Variants in MAD1L1 observed in about 807,000 individuals in gnomAD.
The protein encoded by MAD1L1 is mitotic spindle assembly checkpoint protein MAD1.
MAD1L1 carries 95 observed loss-of-function variants against 96.9 expected under a neutral mutation model. That is an observed-to-expected ratio of 0.98 (90% CI 0.83 to 1.16). The LOEUF is 1.16. MAD1L1 is among the 50% of genes most tolerant of loss of function. The probability of loss-of-function intolerance (pLI) is 0.00; values close to 1 mark genes in which losing one functional copy is unlikely to be tolerated. For missense variants in MAD1L1, 1,007 were observed against 954.4 expected, an observed-to-expected ratio of 1.06 and a Z score of -0.73; for synonymous variants, 473 against 396.6, an observed-to-expected ratio of 1.19 and a Z score of -2.29.
At chr7:2,150,707 T>TG (rs1323398282) in intron 10 of MAD1L1, among the ~76,000 whole-genome samples, 1 of 152,224 alleles carries the variant, frequency 6.6e-6, no homozygotes, top group Non-Finnish European at 1.5e-5. Flanking sequence ...GCAGATGTCC[T>TG]GCGGCCTGGC....
Position 1,833,510 on chromosome 7 carries a change from C to T in MAD1L1, c.1999-17282G>A, listed in dbSNP as rs1047118737. ...AAAATTGGCAAGGATATAAAAGCTT[C>T]GCAAACATTATTAAAAATGTCAGCT... is the stretch of plus-strand genomic sequence containing the variant. On this transcript the variant is annotated intron_variant, in intron 18 of 18. Transcript: ENST00000265854. 1.1e-4 allele frequency among the ~76,000 whole-genome samples: 16 copies of T among 152,316 alleles called. No individual in the cohort carries two copies. In the East Asian group the frequency reaches 1.7e-3, roughly 17 times the overall value.
intron 10 of MAD1L1, among the ~76,000 whole-genome samples, chr7:2,165,334 TAGA>T (rs2128591246): frequency 6.6e-6 from 1 of 152,366 alleles, no homozygotes; most frequent in African/African-American, 2.4e-5. Flanking sequence ...TCTGGACTGA[TAGA>T]AGTGTGTTAT....
At chr7:1,856,119 C>T (rs12667600) in intron 18 of MAD1L1, among the ~76,000 whole-genome samples, 2 of 152,078 alleles carry the variant, frequency 1.3e-5, no homozygotes, top group Admixed American at 1.3e-4. Context: ...AGAATTTCAA[C>T]GTATGGATTT....
intron 12 of MAD1L1, among the ~76,000 whole-genome samples, chr7:2,055,370 C>T (rs1365975221): frequency 2.0e-5 from 3 of 152,236 alleles, no homozygotes; most frequent in Middle Eastern, 3.4e-3. Context: ...TCGTAGGGCA[C>T]GATCCAGGCC....
At chr7:2,080,707 T>C (rs2128538327) in intron 11 of MAD1L1, among the ~76,000 whole-genome samples, 1 of 152,330 alleles carries the variant, frequency 6.6e-6, no homozygotes. Context: ...TGCTGTCGGC[T>C]GCACAGGGCC....
chr7:1,859,376 C>G (rs554589754), intron 18 of MAD1L1, among the ~76,000 whole-genome samples: 52 of 152,380 alleles, frequency 3.4e-4, no homozygotes, highest in Admixed American at 6.5e-4. Flanking sequence ...TTGATTCCAA[C>G]TCATTCTGCA....
rs77275830 is a variant in MAD1L1, at chr7:2,086,799, C to T, written c.1074-17461G>A. Among the ~76,000 whole-genome samples the T allele has an allele frequency of 2.3e-4, 35 of 152,324 alleles. 1 individual carries two copies. The East Asian group carries it at 6.6e-3, about 29-fold the overall frequency. ...CGAACTCTTGACCTCAGTTGATCCACCTGCCTCGGCCTCCCAAATTGCTGG... is the reference window on the plus strand; with the variant it reads ...CGAACTCTTGACCTCAGTTGATCCATCTGCCTCGGCCTCCCAAATTGCTGG... On this transcript the variant is annotated intron_variant, in intron 11 of 18. Transcript: ENST00000265854.
intron 14 of MAD1L1, among the ~76,000 whole-genome samples, chr7:1,988,439 C>T (rs10281045): frequency 0.044 from 6,714 of 152,270 alleles, 504 homozygotes; most frequent in African/African-American, 0.15. Flanking sequence ...CAGATCAGGG[C>T]CCCACCAATG....
At chr7:2,165,291 G>A (rs962234979) in intron 10 of MAD1L1, among the ~76,000 whole-genome samples, 26 of 152,236 alleles carry the variant, frequency 1.7e-4, no homozygotes, top group Admixed American at 3.3e-4. Flanking sequence ...AGCTGCCGGG[G>A]ATGAAGGGCT....
chr7:2,152,515 C>A (rs1420760256), intron 10 of MAD1L1, among the ~76,000 whole-genome samples: 2 of 152,226 alleles, frequency 1.3e-5, no homozygotes, highest in Admixed American at 1.3e-4. Flanking sequence ...CTCAAAAGCA[C>A]AAGCACAGTG....
chr7:1,864,941 A>G (rs1784710132), intron 18 of MAD1L1, among the ~76,000 whole-genome samples: 1 of 152,152 alleles, frequency 6.6e-6, no homozygotes, highest in East Asian at 1.9e-4. Context: ...TGTGTCGAAT[A>G]AGCCTCCTCA....
intron 18 of MAD1L1, among the ~76,000 whole-genome samples, chr7:1,834,014 AT>A (rs1444150574): frequency 3.3e-5 from 5 of 152,240 alleles, no homozygotes; most frequent in Non-Finnish European, 7.3e-5. Flanking sequence ...TAAATGAGAA[AT>A]TAGTAACAGA....
At chr7:2,164,316 C>G (rs1181193088) in intron 10 of MAD1L1, among the ~76,000 whole-genome samples, 1 of 152,126 alleles carries the variant, frequency 6.6e-6, no homozygotes, top group Non-Finnish European at 1.5e-5. Flanking sequence ...GCAGAAAGCC[C>G]GCACTCTGGA....
intron 12 of MAD1L1, among the ~76,000 whole-genome samples, chr7:2,053,273 G>A (rs557151924): frequency 2.8e-4 from 42 of 152,298 alleles, no homozygotes; most frequent in African/African-American, 9.6e-4. Context: ...CCATGCAGAC[G>A]GTGAGGCTGG....
intron 11 of MAD1L1, among the ~76,000 whole-genome samples, chr7:2,120,534 AC>A (rs1787925692): frequency 6.6e-6 from 1 of 152,166 alleles, no homozygotes; most frequent in Admixed American, 6.5e-5. Context: ...CGGAAGCCCC[AC>A]ACCCAGGGCG....
At chr7:2,122,495 G>C (rs549650504) in intron 11 of MAD1L1, among the ~76,000 whole-genome samples, 3 of 152,084 alleles carry the variant, frequency 2.0e-5, no homozygotes, top group African/African-American at 4.8e-5. Context: ...CCAGCTACTC[G>C]GGAGGCTGAG....
intron 15 of MAD1L1, among the ~76,000 whole-genome samples, chr7:1,973,968 C>T (rs544712495): frequency 2.2e-4 from 34 of 152,362 alleles, no homozygotes; most frequent in South Asian, 1.4e-3. Context: ...CGAGGGGCCA[C>T]GCTGATGCTG....
chr7:2,061,525 G>A (rs1046957315), intron 12 of MAD1L1, among the ~76,000 whole-genome samples: 1 of 152,202 alleles, frequency 6.6e-6, no homozygotes, highest in Non-Finnish European at 1.5e-5. Flanking sequence ...GCCCCCACCA[G>A]GGAGAAAACC....
At chr7:2,159,335 C>G (rs536663136) in intron 10 of MAD1L1, among the ~76,000 whole-genome samples, 29 of 152,336 alleles carry the variant, frequency 1.9e-4, no homozygotes, top group Non-Finnish European at 3.4e-4. Context: ...CACCTCAGGT[C>G]CTCTGCACAG....
Sources: gnomAD v4.1 joint callset for allele counts (sites outside exome capture counted in the v4.1 genomes callset) on GRCh38, gnomAD v4.1.1 for gene constraint, MANE v1.5 for transcripts, NCBI Gene and HGNC (gene_info 2026-07-23, HGNC 2026-07-21) for gene names.